ADARB2: variants seen among roughly 807,000 people sequenced by gnomAD.
ADARB2 encodes inactive double-stranded RNA-specific editase B2.
In ADARB2, 25 loss-of-function variants were observed where a neutral mutation model predicts 62.2. That is an observed-to-expected ratio of 0.40 (90% CI 0.29 to 0.56). The LOEUF (loss-of-function observed/expected upper bound fraction) is 0.56, where lower values mean the gene tolerates loss of function less well. Ranked by LOEUF, ADARB2 falls within the 20% of genes least tolerant of loss-of-function variation. The pLI is 0.43. For missense variants in ADARB2, 1,071 were observed against 1,077.4 expected, an observed-to-expected ratio of 0.99 and a Z score of 0.08; for synonymous variants, 572 against 500.8, an observed-to-expected ratio of 1.14 and a Z score of -1.90.
chr10:1,605,121 G>A (rs1232369641), intron 1 of ADARB2, among the ~76,000 whole-genome samples: 2 of 152,210 alleles, frequency 1.3e-5, no homozygotes, highest in East Asian at 1.9e-4. Flanking sequence ...AAGCCAGACC[G>A]AAAAAGCTGT....
rs1185468899 is a variant in ADARB2, at chr10:1,641,571, G to A, written c.100+95480C>T. Among the ~76,000 whole-genome samples, 5 of 152,192 alleles carry A rather than the reference G, an allele frequency of 3.3e-5. No individual in the cohort carries two copies. In the East Asian group the frequency reaches 5.8e-4, roughly 18 times the overall value. ...GAAAGCTGATTCTTTAAGGTCTTAG[G>A]GAGCACCTGTTTCACTGCGTCTTTG... On this transcript the variant is annotated intron_variant, in intron 1 of 9. Transcript: ENST00000381312.
intron 2 of ADARB2, among the ~76,000 whole-genome samples, chr10:1,371,784 TAAA>T (rs71379114): frequency 9.9e-4 from 125 of 125,776 alleles, no homozygotes; most frequent in African/African-American, 3.2e-3. Flanking sequence ...TATTAAAAAG[TAAA>T]AAAAAAAAAA....
chr10:1,353,540 C>G (rs1200116104), intron 3 of ADARB2, among the ~76,000 whole-genome samples: 1 of 152,162 alleles, frequency 6.6e-6, no homozygotes, highest in African/African-American at 2.4e-5. Flanking sequence ...TTCACATCAG[C>G]AAGCCACCGC....
intron 5 of ADARB2, among the ~76,000 whole-genome samples, chr10:1,235,318 G>A (rs1231757072): frequency 8.0e-6 from 1 of 124,324 alleles, no homozygotes; most frequent in African/African-American, 3.1e-5. Context: ...TGACCCAGGT[G>A]GGGCGGGAGA....
chr10:1,627,015 C>T (rs145303936), intron 1 of ADARB2, among the ~76,000 whole-genome samples: 3 of 152,082 alleles, frequency 2.0e-5, no homozygotes, highest in South Asian at 2.1e-4. Context: ...ACCTTTTCCC[C>T]GGGCCCCGGC....
At chr10:1,307,936 G>T (rs563653234) in intron 3 of ADARB2, among the ~76,000 whole-genome samples, 5 of 110,916 alleles carry the variant, frequency 4.5e-5, no homozygotes, top group Non-Finnish European at 9.1e-5. Context: ...GTCGTGGGGT[G>T]GGGGGAGGGG....
intron 1 of ADARB2, among the ~76,000 whole-genome samples, chr10:1,717,507 CTT>C (rs1416157671): frequency 1.3e-5 from 2 of 150,602 alleles, no homozygotes; most frequent in African/African-American, 4.9e-5. Flanking sequence ...TCCTTTCTTT[CTT>C]TCTCTCTCTC....
intron 1 of ADARB2, among the ~76,000 whole-genome samples, chr10:1,648,768 G>A: frequency 6.6e-6 from 1 of 152,166 alleles, no homozygotes; most frequent in African/African-American, 2.4e-5. Context: ...AGAAGTGATG[G>A]TTGGTTAACT....
chr10:1,235,113 C>A (rs1366099223), intron 5 of ADARB2, among the ~76,000 whole-genome samples: 3 of 151,758 alleles, frequency 2.0e-5, no homozygotes, highest in Admixed American at 1.3e-4. Flanking sequence ...TGTCTACACA[C>A]CTGTGATTCT....
intron 6 of ADARB2, among the ~76,000 whole-genome samples, chr10:1,218,030 C>G (rs1830647732): frequency 6.6e-6 from 1 of 151,028 alleles, no homozygotes. Flanking sequence ...GTTTCTCTTT[C>G]TTTGAAAAAA....
chr10:1,606,405 G>A (rs910070475), intron 1 of ADARB2, among the ~76,000 whole-genome samples: 2 of 152,158 alleles, frequency 1.3e-5, no homozygotes, highest in East Asian at 1.9e-4. Flanking sequence ...TGCTCTCTAC[G>A]CAAGCAGGTG....
intron 1 of ADARB2, among the ~76,000 whole-genome samples, chr10:1,388,805 A>G (rs1404922082): frequency 6.6e-6 from 1 of 152,228 alleles, no homozygotes; most frequent in African/African-American, 2.4e-5. Context: ...TAATTTTTCT[A>G]TAGATATGAT....
intron 1 of ADARB2, among the ~76,000 whole-genome samples, chr10:1,667,478 T>C (rs566607281): frequency 3.9e-4 from 59 of 152,314 alleles, no homozygotes; most frequent in African/African-American, 1.4e-3. Flanking sequence ...ATTTCATAGA[T>C]CATACCAGGA....
chr10:1,306,854 G>C (rs2131820626), intron 3 of ADARB2, among the ~76,000 whole-genome samples: 1 of 151,176 alleles, frequency 6.6e-6, no homozygotes, highest in South Asian at 2.1e-4. Flanking sequence ...TTTAATAAAT[G>C]GTGCTGGGAA....
At chr10:1,709,272 G>T (rs1834925484) in intron 1 of ADARB2, among the ~76,000 whole-genome samples, 1 of 152,190 alleles carries the variant, frequency 6.6e-6, no homozygotes. Context: ...AATAACACAA[G>T]TTCCCTCTGA....
At chr10:1,608,277 C>T (rs1223639445) in intron 1 of ADARB2, among the ~76,000 whole-genome samples, 1 of 152,196 alleles carries the variant, frequency 6.6e-6, no homozygotes, top group African/African-American at 2.4e-5. Flanking sequence ...TGGATTTATG[C>T]TCACCGGGTC....
At chr10:1,612,307 A>G (rs570354246) in intron 1 of ADARB2, among the ~76,000 whole-genome samples, 3 of 152,350 alleles carry the variant, frequency 2.0e-5, no homozygotes, top group African/African-American at 7.2e-5. Context: ...ACGGGAAGCC[A>G]GGAGGAAAGA....
At chr10:1,383,679 G>A (rs1588239861) in intron 1 of ADARB2, among the ~76,000 whole-genome samples, 1 of 152,348 alleles carries the variant, frequency 6.6e-6, no homozygotes, top group South Asian at 2.1e-4. Context: ...ACACTGCATA[G>A]TCACTGGGAC....
At chr10:1,366,369 C>A (rs1030446310) in intron 2 of ADARB2, among the ~76,000 whole-genome samples, 4 of 152,212 alleles carry the variant, frequency 2.6e-5, no homozygotes, top group African/African-American at 9.7e-5. Context: ...GGCCCCACGA[C>A]CTGCTGGGTC....
Sources: allele counts gnomAD v4.1 joint callset (sites outside exome capture counted in the v4.1 genomes callset), GRCh38; gene constraint gnomAD v4.1.1; transcripts MANE v1.5; gene names NCBI Gene and HGNC (gene_info 2026-07-23, HGNC 2026-07-21).